Variants in ST6GALNAC5 observed in about 807,000 individuals in gnomAD.
ST6GALNAC5 encodes the protein ST6 N-acetylgalactosaminide alpha-2,6-sialyltransferase 5.
In ST6GALNAC5, 27 loss-of-function variants were observed where a neutral mutation model predicts 33.6. That is an observed-to-expected ratio of 0.80 (90% CI 0.59 to 1.11). The LOEUF is 1.11. Among genes scored for constraint, ST6GALNAC5 ranks in the 50% least tolerant of loss-of-function variants. The pLI is 0.00. For missense variants in ST6GALNAC5, 428 were observed against 454.0 expected, an observed-to-expected ratio of 0.94 and a Z score of 0.52; for synonymous variants, 194 against 171.2, an observed-to-expected ratio of 1.13 and a Z score of -1.04.
At chr1:77,051,981 AT>A (rs1356885145) in intron 4 of ST6GALNAC5, among the ~76,000 whole-genome samples, 2 of 152,226 alleles carry the variant, frequency 1.3e-5, no homozygotes, top group African/African-American at 2.4e-5. Context: ...TTAACCTGTC[AT>A]TTCTCCTACT....
At chr1:76,920,030 C>T (rs1647014890) in intron 2 of ST6GALNAC5, among the ~76,000 whole-genome samples, 1 of 152,116 alleles carries the variant, frequency 6.6e-6, no homozygotes, top group African/African-American at 2.4e-5. Flanking sequence ...AAAACTAAGG[C>T]AGTGAGAAAT....
intron 2 of ST6GALNAC5, among the ~76,000 whole-genome samples, chr1:77,005,099 C>A (rs937401826): frequency 2.0e-5 from 3 of 151,958 alleles, no homozygotes; most frequent in Admixed American, 2.0e-4. Context: ...GCCTCGCTGC[C>A]ACCTTGCAGT....
chr1:77,002,485 T>C (rs1650213495), intron 2 of ST6GALNAC5, among the ~76,000 whole-genome samples: 1 of 152,026 alleles, frequency 6.6e-6, no homozygotes, highest in Non-Finnish European at 1.5e-5. Context: ...TGTGTCTCTA[T>C]TTCCTTCAGT....
At chr1:77,036,630 A>G (rs1199641346) in intron 2 of ST6GALNAC5, among the ~76,000 whole-genome samples, 5 of 152,254 alleles carry the variant, frequency 3.3e-5, no homozygotes, top group Admixed American at 6.5e-5. Flanking sequence ...AAGAATGGGG[A>G]CACTTAAAAC....
At chr1:77,014,706 C>G (rs1177777296) in intron 2 of ST6GALNAC5, among the ~76,000 whole-genome samples, 1 of 152,184 alleles carries the variant, frequency 6.6e-6, no homozygotes, top group Non-Finnish European at 1.5e-5. Context: ...GCTTTGTTCT[C>G]CCAAGCCAAC....
chr1:76,952,044 G>A (rs962878884), intron 2 of ST6GALNAC5, among the ~76,000 whole-genome samples: 1 of 152,032 alleles, frequency 6.6e-6, no homozygotes, highest in African/African-American at 2.4e-5. Flanking sequence ...CCAGTTTTGT[G>A]CTGCTCATGA....
chr1:76,900,126 A>G (rs1646802673), intron 2 of ST6GALNAC5, among the ~76,000 whole-genome samples: 1 of 152,252 alleles, frequency 6.6e-6, no homozygotes, highest in African/African-American at 2.4e-5. Context: ...TTGGGTAGAT[A>G]AAGGAAAATT....
Position 77,006,321 on chromosome 1 carries a change from A to ATT in ST6GALNAC5, c.262-37860_262-37859dup, listed in dbSNP as rs71075723. 9.7e-3 allele frequency among the ~76,000 whole-genome samples: 897 copies of ATT among 92,808 alleles called. 22 individuals are homozygous for ATT. Among genetic ancestry groups the ATT allele is most frequent in the African/African-American group, 0.035 (831 of 23,698 alleles). 60.9% of individuals were successfully genotyped at this position (92,808 alleles called of 152,430 possible). A position where few individuals can be genotyped will look rare whatever the true frequency, so the allele number is the denominator to read the frequency against. On this transcript the variant is annotated intron_variant, in intron 2 of 4. Coordinates refer to ENST00000477717, the MANE Select transcript of ST6GALNAC5 (RefSeq NM_030965.3). Reference sequence around the variant, plus strand: ...AGGTGCATGCCACTACACCCGGCTAATTTTTTTTTTTTTTTTTTTTTTTTG... The same window carrying ATT: ...AGGTGCATGCCACTACACCCGGCTAATTTTTTTTTTTTTTTTTTTTTTTTTTG...
intron 2 of ST6GALNAC5, among the ~76,000 whole-genome samples, chr1:76,977,896 CT>C (rs1649077746): frequency 6.6e-6 from 1 of 152,138 alleles, no homozygotes; most frequent in African/African-American, 2.4e-5. Context: ...TGAGAAACTT[CT>C]GCATCCTTTT....
intron 4 of ST6GALNAC5, among the ~76,000 whole-genome samples, chr1:77,060,813 A>G (rs1652551057): frequency 6.6e-6 from 1 of 151,976 alleles, no homozygotes; most frequent in Admixed American, 6.6e-5. Flanking sequence ...ATTTTTAGAA[A>G]CCTAACTGTT....
intron 2 of ST6GALNAC5, among the ~76,000 whole-genome samples, chr1:76,927,936 G>A (rs1647101700): frequency 6.6e-6 from 1 of 152,106 alleles, no homozygotes; most frequent in Non-Finnish European, 1.5e-5. Flanking sequence ...TATTAATGCT[G>A]CTTTCCAGAA....
At chr1:76,898,491 T>A (rs895841811) in intron 2 of ST6GALNAC5, among the ~76,000 whole-genome samples, 3 of 152,106 alleles carry the variant, frequency 2.0e-5, no homozygotes. Context: ...CAGGAGCAGA[T>A]TGGGTAATAA....
intron 2 of ST6GALNAC5, among the ~76,000 whole-genome samples, chr1:76,935,511 C>G (rs1320708788): frequency 6.6e-6 from 1 of 151,952 alleles, no homozygotes. Context: ...TGTAAAGGTG[C>G]AGATTACAAG....
intron 2 of ST6GALNAC5, among the ~76,000 whole-genome samples, chr1:76,872,959 A>T (rs961692010): frequency 3.9e-5 from 6 of 152,224 alleles, no homozygotes; most frequent in Admixed American, 6.5e-5. Context: ...TTTTTATAAC[A>T]TTTATTAAAA....
At chr1:76,925,244 A>T (rs1205119375) in intron 2 of ST6GALNAC5, among the ~76,000 whole-genome samples, 1 of 152,128 alleles carries the variant, frequency 6.6e-6, no homozygotes, top group Non-Finnish European at 1.5e-5. Flanking sequence ...GCCTCCCAGC[A>T]GGCCTCACCT....
intron 2 of ST6GALNAC5, among the ~76,000 whole-genome samples, chr1:77,039,266 G>C (rs778851524): frequency 1.6e-4 from 24 of 152,176 alleles, no homozygotes; most frequent in Non-Finnish European, 3.1e-4. Flanking sequence ...TAATGACCTT[G>C]GCATCAAGCT....
At chr1:76,872,104 CACACACACACACACCA>C (rs1474649652) in intron 2 of ST6GALNAC5, among the ~76,000 whole-genome samples, 6 of 128,518 alleles carry the variant, frequency 4.7e-5, no homozygotes, top group East Asian at 2.3e-4. Flanking sequence ...CACACACACA[CACACACACACACACCA>C]CACACATTAA....
At chr1:76,916,202 G>T (rs1041192744) in intron 2 of ST6GALNAC5, among the ~76,000 whole-genome samples, 1 of 152,128 alleles carries the variant, frequency 6.6e-6, no homozygotes, top group African/African-American at 2.4e-5. Context: ...TTTGCAGGTA[G>T]GAAGCTGGTA....
chr1:77,047,916 A>G (rs1176795929), intron 3 of ST6GALNAC5, among the ~76,000 whole-genome samples: 5 of 152,208 alleles, frequency 3.3e-5, no homozygotes, highest in Non-Finnish European at 7.3e-5. Context: ...TTCTTTCATT[A>G]CAGCTGATTA....
Sources: gnomAD v4.1 joint callset for allele counts (sites outside exome capture counted in the v4.1 genomes callset) on GRCh38, gnomAD v4.1.1 for gene constraint, MANE v1.5 for transcripts, NCBI Gene and HGNC (gene_info 2026-07-23, HGNC 2026-07-21) for gene names.